DLGAP2: variants seen among roughly 807,000 people sequenced by gnomAD.
DLGAP2 encodes disks large-associated protein 2.
In DLGAP2, 26 loss-of-function variants were observed where a neutral mutation model predicts 100.3. That is an observed-to-expected ratio of 0.26 (90% CI 0.19 to 0.36). The LOEUF (loss-of-function observed/expected upper bound fraction) is 0.36. Ranked by LOEUF, DLGAP2 falls within the 10% of genes least tolerant of loss-of-function variation. The pLI is 1.00. For synonymous variants in DLGAP2, 886 were observed against 630.1 expected, an observed-to-expected ratio of 1.41 and a Z score of -6.08; for missense variants, 1,858 against 1,453.2, an observed-to-expected ratio of 1.28 and a Z score of -4.53.
At chr8:1,024,877 A>G (rs1034905963) in intron 2 of DLGAP2, among the ~76,000 whole-genome samples, 2 of 152,112 alleles carry the variant, frequency 1.3e-5, no homozygotes, top group Non-Finnish European at 2.9e-5. Flanking sequence ...GCAGCCCTTG[A>G]TCCTTGTAAT....
intron 1 of DLGAP2, among the ~76,000 whole-genome samples, chr8:756,059 C>G (rs1820911784): frequency 6.6e-6 from 1 of 152,156 alleles, no homozygotes; most frequent in African/African-American, 2.4e-5. Context: ...AGGGGCCAGG[C>G]TGTGAGGGCC....
intron 2 of DLGAP2, among the ~76,000 whole-genome samples, chr8:955,986 A>T (rs1297683068): frequency 6.6e-6 from 1 of 152,020 alleles, no homozygotes. Context: ...TGACTTTGGG[A>T]GGCTTATTAA....
At chr8:1,227,712 T>A (rs1000027335) in intron 2 of DLGAP2, among the ~76,000 whole-genome samples, 5 of 152,202 alleles carry the variant, frequency 3.3e-5, no homozygotes, top group African/African-American at 1.2e-4. Context: ...ATATGTGGAA[T>A]TATATAAAGA....
At chr8:846,821 A>G (rs1797079065) in intron 1 of DLGAP2, among the ~76,000 whole-genome samples, 1 of 151,954 alleles carries the variant, frequency 6.6e-6, no homozygotes, top group African/African-American at 2.4e-5. Context: ...GTGATATCTC[A>G]CTGTAGTTCT....
At chr8:888,966 C>T (rs1258939704) in intron 1 of DLGAP2, among the ~76,000 whole-genome samples, 3 of 151,846 alleles carry the variant, frequency 2.0e-5, no homozygotes, top group Admixed American at 6.6e-5. Context: ...GGGCTGAGTC[C>T]GAAAAGAGAG....
chr8:1,612,333 GC>G (rs1433816168), intron 6 of DLGAP2, among the ~76,000 whole-genome samples: 1 of 59,386 alleles, frequency 1.7e-5, no homozygotes, highest in Non-Finnish European at 3.5e-5. Context: ...AAACTGGCTA[GC>G]CATATGGAGA....
intron 6 of DLGAP2, among the ~76,000 whole-genome samples, chr8:1,578,672 A>C (rs1803095540): frequency 6.6e-6 from 1 of 152,180 alleles, no homozygotes. Flanking sequence ...CTCGTTAATC[A>C]CTTAATATGC....
chr8:1,459,684 C>CTTTT lies in DLGAP2; in HGVS notation c.107-41666_107-41663dup, dbSNP rs3052056. Among the ~76,000 whole-genome samples, 76 of 120,808 alleles carry CTTTT rather than the reference C, an allele frequency of 6.3e-4. 3 individuals carry two copies. Among genetic ancestry groups the CTTTT allele is most frequent in the South Asian group, 1.1e-3 (4 of 3,632 alleles). The allele number at this position is 120,808 out of a possible 152,430, so 79.3% of individuals were successfully genotyped here. A position where few individuals can be genotyped will look rare whatever the true frequency, so the allele number is the denominator to read the frequency against. ...CTGGCATTTTAAATTCTGTTGTTTT[C>CTTTT]TTTTTTTTTTTTTTTTTTTGAGATG... On this transcript the variant is annotated intron_variant, in intron 3 of 14. Coordinates refer to ENST00000637795, the MANE Select transcript of DLGAP2 (RefSeq NM_001346810.2).
chr8:1,214,493 C>G (rs1444393143), intron 2 of DLGAP2, among the ~76,000 whole-genome samples: 3 of 152,308 alleles, frequency 2.0e-5, no homozygotes, highest in Admixed American at 1.3e-4. Flanking sequence ...GTAGGAGATG[C>G]TGAAACAGAG....
chr8:1,199,754 A>C (rs1319007209), intron 2 of DLGAP2, among the ~76,000 whole-genome samples: 1 of 152,174 alleles, frequency 6.6e-6, no homozygotes, highest in Non-Finnish European at 1.5e-5. Flanking sequence ...CTTTAGCATG[A>C]GAGCTCTTGC....
At chr8:1,066,620 C>A (rs772503017) in intron 2 of DLGAP2, among the ~76,000 whole-genome samples, 3 of 152,016 alleles carry the variant, frequency 2.0e-5, no homozygotes, top group Non-Finnish European at 4.4e-5. Flanking sequence ...AGCTCCCCAC[C>A]ACGGTCAGGT....
rs574751703 is a variant in DLGAP2 at position 1,120,807 on chromosome 8, C to T, written c.74-138044C>T. Among the ~76,000 whole-genome samples the T allele has an allele frequency of 4.0e-5, 6 of 151,508 alleles. No individual in the cohort carries two copies. In the South Asian group the frequency reaches 8.4e-4, roughly 21 times the overall value. Reference sequence around the variant, plus strand: ...CCATCCTAGTCCCTTCAGAACCCCTCGTCTCCCATCCTCGTCCAGTTAGAA... The same window carrying T: ...CCATCCTAGTCCCTTCAGAACCCCTTGTCTCCCATCCTCGTCCAGTTAGAA... On this transcript the variant is annotated intron_variant, in intron 2 of 14. Transcript: ENST00000637795.
chr8:1,391,855 C>T (rs117918405), intron 3 of DLGAP2, among the ~76,000 whole-genome samples: 1 of 152,254 alleles, frequency 6.6e-6, no homozygotes, highest in African/African-American at 2.4e-5. Context: ...ATCTCCAAGA[C>T]CCGAGTATGT....
chr8:1,298,323 C>T (rs1320249080), intron 3 of DLGAP2, among the ~76,000 whole-genome samples: 1 of 152,200 alleles, frequency 6.6e-6, no homozygotes, highest in East Asian at 1.9e-4. Context: ...GCTTCCTGGT[C>T]TGTCGTCCTG....
chr8:1,477,142 G>T (rs1243835310), intron 3 of DLGAP2, among the ~76,000 whole-genome samples: 2 of 151,908 alleles, frequency 1.3e-5, no homozygotes, highest in Admixed American at 1.3e-4. Flanking sequence ...CCCACCTGCT[G>T]GGAATGTCAC....
chr8:1,329,775 C>G (rs1344183136), intron 3 of DLGAP2, among the ~76,000 whole-genome samples: 1 of 152,184 alleles, frequency 6.6e-6, no homozygotes, highest in Non-Finnish European at 1.5e-5. Context: ...CTGCCTGAGC[C>G]CAAGTTAGCA....
chr8:1,243,886 G>C lies in DLGAP2; in HGVS notation c.74-14965G>C, dbSNP rs559787120. 1.1e-3 allele frequency among the ~76,000 whole-genome samples: 170 copies of C among 152,304 alleles called. 1 individual carries two copies. The highest frequency in any genetic ancestry group is 1.9e-3 in the Non-Finnish European group (130 of 68,032). Reference sequence around the variant, plus strand: ...CACTATCCACATGATTAAGTCCAGTGCCTCAGCATCTGTTCTCTTATTAAA... The same window carrying C: ...CACTATCCACATGATTAAGTCCAGTCCCTCAGCATCTGTTCTCTTATTAAA... On this transcript the variant is annotated intron_variant, in intron 2 of 14. Transcript: ENST00000637795.
At chr8:1,425,364 C>T (rs537320021) in intron 3 of DLGAP2, among the ~76,000 whole-genome samples, 1 of 152,294 alleles carries the variant, frequency 6.6e-6, no homozygotes, top group South Asian at 2.1e-4. Flanking sequence ...CTAGCATCTT[C>T]CCCGGGAGGC....
intron 2 of DLGAP2, among the ~76,000 whole-genome samples, chr8:1,120,508 T>G (rs1363924033): frequency 6.6e-6 from 1 of 151,988 alleles, no homozygotes; most frequent in African/African-American, 2.4e-5. Flanking sequence ...CACCCATCCT[T>G]CGGAACCCAC....
Sources: allele counts gnomAD v4.1 joint callset (sites outside exome capture counted in the v4.1 genomes callset), GRCh38; gene constraint gnomAD v4.1.1; transcripts MANE v1.5; gene names NCBI Gene and HGNC (gene_info 2026-07-23, HGNC 2026-07-21).